The following STK39 variants were observed in gnomAD, a reference collection of about 807,000 sequenced individuals.
STK39 encodes STE20/SPS1-related proline-alanine-rich protein kinase.
Under a neutral mutation model 77.8 loss-of-function variants are expected in STK39, and 20 were observed. The ratio of observed to expected loss-of-function variants is 0.26; its 90% CI spans 0.18 to 0.37. The LOEUF (loss-of-function observed/expected upper bound fraction) is 0.37, where lower values mean the gene tolerates loss of function less well. STK39 is among the 10% of genes least tolerant of loss of function. STK39 has a pLI of 1.00. For synonymous variants in STK39, 246 were observed against 234.1 expected, an observed-to-expected ratio of 1.05 and a Z score of -0.47; for missense variants, 479 against 656.5, an observed-to-expected ratio of 0.73 and a Z score of 2.95.
intron 12 of STK39, among the ~76,000 whole-genome samples, chr2:168,073,526 A>C (rs531370766): frequency 6.6e-6 from 1 of 152,336 alleles, no homozygotes; most frequent in South Asian, 2.1e-4. Context: ...CATGGTTAAG[A>C]TCATTCTGAA....
intron 16 of STK39, among the ~76,000 whole-genome samples, chr2:167,994,988 T>C (rs543219867): frequency 3.2e-4 from 48 of 152,112 alleles, no homozygotes; most frequent in African/African-American, 1.1e-3. Context: ...GGAGAGGTAT[T>C]AAGCAACAAT....
intron 8 of STK39, among the ~76,000 whole-genome samples, chr2:168,132,627 T>A (rs944581808): frequency 1.3e-5 from 2 of 152,188 alleles, no homozygotes; most frequent in Admixed American, 1.3e-4. Context: ...ACACCCTCGC[T>A]CATCAGTCAA....
intron 1 of STK39, among the ~76,000 whole-genome samples, chr2:168,231,722 A>AGC (rs1295070377): frequency 6.6e-6 from 1 of 152,178 alleles, no homozygotes. Flanking sequence ...ACAGTGTGCC[A>AGC]GAGTGCTCTG....
intron 10 of STK39, among the ~76,000 whole-genome samples, chr2:168,078,851 G>A (rs555913320): frequency 6.6e-6 from 1 of 151,516 alleles, no homozygotes; most frequent in Admixed American, 6.6e-5. Flanking sequence ...TTACCCCTTC[G>A]GTGGGAATCC....
chr2:168,116,421 A>G (rs965627528), intron 10 of STK39, among the ~76,000 whole-genome samples: 9 of 152,340 alleles, frequency 5.9e-5, no homozygotes, highest in South Asian at 2.1e-4. Flanking sequence ...AGAAAATTCT[A>G]TATCAAAGTG....
chr2:168,063,478 A>T, intron 14 of STK39, 22 bp downstream of exon 14: 2 of 1,597,370 alleles, frequency 1.3e-6, no homozygotes, highest in Non-Finnish European at 1.7e-6. Context: ...AACAATGCAG[A>T]ATAAACAACA....
chr2:167,997,503 G>A (rs1288832411), intron 16 of STK39, among the ~76,000 whole-genome samples: 2 of 152,114 alleles, frequency 1.3e-5, no homozygotes, highest in Admixed American at 1.3e-4. Flanking sequence ...AGTTAAGTGG[G>A]TCACTCTAGG....
chr2:167,965,955 A>G (rs1403314656), intron 16 of STK39, among the ~76,000 whole-genome samples: 1 of 152,216 alleles, frequency 6.6e-6, no homozygotes, highest in African/African-American at 2.4e-5. Context: ...GCTGCAGAGG[A>G]GAAAAAAGAA....
At chr2:168,121,372 C>T (rs956174440) in intron 10 of STK39, among the ~76,000 whole-genome samples, 2 of 152,174 alleles carry the variant, frequency 1.3e-5, no homozygotes, top group African/African-American at 4.8e-5. Context: ...AGAATATTGG[C>T]TGTGTTTGTA....
intron 10 of STK39, among the ~76,000 whole-genome samples, chr2:168,083,838 G>A (rs1448009628): frequency 6.6e-6 from 1 of 151,996 alleles, no homozygotes; most frequent in Non-Finnish European, 1.5e-5. Flanking sequence ...AAAATGCAAA[G>A]GAAAAGCTGG....
intron 14 of STK39, among the ~76,000 whole-genome samples, chr2:168,018,612 A>C (rs544749328): frequency 6.6e-6 from 1 of 151,358 alleles, no homozygotes; most frequent in African/African-American, 2.4e-5. Context: ...TTGCAGTAGG[A>C]AACATGAACT....
At chr2:168,179,129 GGTTT>G (rs1689021478) in intron 2 of STK39, among the ~76,000 whole-genome samples, 1 of 152,150 alleles carries the variant, frequency 6.6e-6, no homozygotes, top group African/African-American at 2.4e-5. Flanking sequence ...TAGGAACAAT[GGTTT>G]CCAGTTAACA....
chr2:168,180,131 G>A (rs1003378325), intron 2 of STK39, among the ~76,000 whole-genome samples: 10 of 152,176 alleles, frequency 6.6e-5, no homozygotes, highest in African/African-American at 2.4e-4. Flanking sequence ...CAGATCACCT[G>A]AGGTCAGGGG....
chr2:167,964,851 T>C (rs1160147181), intron 16 of STK39, 125 bp from the exon 17 acceptor site: 1 of 761,152 alleles, frequency 1.3e-6, no homozygotes, highest in Admixed American at 2.7e-5. Flanking sequence ...TTCATAAACA[T>C]TGCAAAGTCC....
At chr2:168,128,457 C>T (rs998120501) in intron 10 of STK39, among the ~76,000 whole-genome samples, 5 of 152,110 alleles carry the variant, frequency 3.3e-5, no homozygotes, top group Non-Finnish European at 7.4e-5. Context: ...GCTCCCTGTC[C>T]CCTCAGAGAC....
intron 16 of STK39, among the ~76,000 whole-genome samples, chr2:167,995,759 C>A (rs1683823110): frequency 6.6e-6 from 1 of 152,138 alleles, no homozygotes; most frequent in African/African-American, 2.4e-5. Flanking sequence ...CGGTATAAAG[C>A]CCTTCCAAGC....
At chr2:167,983,207 C>T (rs970047541) in intron 16 of STK39, among the ~76,000 whole-genome samples, 3 of 152,118 alleles carry the variant, frequency 2.0e-5, no homozygotes, top group African/African-American at 2.4e-5. Flanking sequence ...AGGCCAGGTG[C>T]GGTGGTTCGT....
At chr2:168,176,921 T>G (rs1688970194) in intron 2 of STK39, among the ~76,000 whole-genome samples, 1 of 152,140 alleles carries the variant, frequency 6.6e-6, no homozygotes, top group South Asian at 2.1e-4. Flanking sequence ...AAAAGGGGGT[T>G]TTGTTAATAT....
intron 1 of STK39, among the ~76,000 whole-genome samples, chr2:168,217,205 AAT>A (rs1489452230): frequency 6.6e-6 from 1 of 152,208 alleles, no homozygotes; most frequent in Admixed American, 6.5e-5. Flanking sequence ...CCTAGAAAGT[AAT>A]GAGTCTGAAT....
Sources: allele counts gnomAD v4.1 joint callset (sites outside exome capture counted in the v4.1 genomes callset), GRCh38; gene constraint gnomAD v4.1.1; transcripts MANE v1.5; gene names NCBI Gene and HGNC (gene_info 2026-07-23, HGNC 2026-07-21).